The following CDH20 variants were observed in gnomAD, a reference collection of about 807,000 sequenced individuals.
CDH20 encodes the protein cadherin-20.
In CDH20, 29 loss-of-function variants were observed where a neutral mutation model predicts 74.2. The observed-to-expected ratio is 0.39, with a 90% CI of 0.29 to 0.53. The LOEUF is 0.53. Ranked by LOEUF, CDH20 falls within the 20% of genes least tolerant of loss-of-function variation. The pLI, the probability that CDH20 is intolerant of heterozygous loss-of-function variation, is 0.69. For synonymous variants in CDH20, 469 were observed against 405.4 expected, an observed-to-expected ratio of 1.16 and a Z score of -1.88; for missense variants, 988 against 1,048.3, an observed-to-expected ratio of 0.94 and a Z score of 0.79.
At chr18:61,417,708 T>G (rs1468845325) in intron 1 of CDH20, among the ~76,000 whole-genome samples, 1 of 150,898 alleles carries the variant, frequency 6.6e-6, no homozygotes, top group East Asian at 2.0e-4. Flanking sequence ...GTACAAAATA[T>G]AGTTAGATAG....
At chr18:61,437,057 G>A (rs1034363117) in intron 1 of CDH20, among the ~76,000 whole-genome samples, 12 of 152,088 alleles carry the variant, frequency 7.9e-5, no homozygotes, top group Admixed American at 1.3e-4. Context: ...AATGAATAAT[G>A]GTTGAATGAA....
intron 6 of CDH20, among the ~76,000 whole-genome samples, chr18:61,508,686 G>A (rs1469499011): frequency 6.6e-6 from 1 of 152,124 alleles, no homozygotes; most frequent in East Asian, 1.9e-4. Context: ...ACCCAGGCTG[G>A]AGTACAGTGG....
intron 1 of CDH20, among the ~76,000 whole-genome samples, chr18:61,363,773 C>A (rs528530002): frequency 1.3e-5 from 2 of 152,100 alleles, no homozygotes; most frequent in African/African-American, 4.8e-5. Context: ...TTCATCCCAC[C>A]GGATGGTAGT....
chr18:61,526,216 C>A lies in CDH20; in HGVS notation c.1018-1751C>A, dbSNP rs1303330773. ...TGATCTCGGCTCACCGCAACCTCCA[C>A]CTCCCGGGTTCAAGTGATTCTCCTG... On this transcript the variant is annotated intron_variant, in intron 6 of 11. Coordinates refer to ENST00000262717, the MANE Select transcript of CDH20 (RefSeq NM_031891.4). Among the ~76,000 whole-genome samples the A allele has an allele frequency of 7.7e-5, 11 of 142,820 alleles. 1 individual carries two copies. Among genetic ancestry groups the A allele is most frequent in the Admixed American group, 4.3e-4 (6 of 14,006 alleles). 93.7% of individuals were successfully genotyped at this position (142,820 alleles called of 152,430 possible). A position where few individuals can be genotyped will look rare whatever the true frequency, so the allele number is the denominator to read the frequency against.
At chr18:61,513,072 C>T (rs1911844232) in intron 6 of CDH20, among the ~76,000 whole-genome samples, 1 of 151,486 alleles carries the variant, frequency 6.6e-6, no homozygotes, top group South Asian at 2.1e-4. Context: ...GACTTTCTGT[C>T]TCGTTGATCT....
At chr18:61,404,797 C>CTTTTT in intron 1 of CDH20, 1 of 223,522 alleles carries the variant, frequency 4.5e-6, no homozygotes. Flanking sequence ...AAATTGTCAA[C>CTTTTT]TTTTTTTTTT....
intron 6 of CDH20, among the ~76,000 whole-genome samples, chr18:61,515,075 A>T (rs1449199116): frequency 2.6e-5 from 4 of 152,060 alleles, no homozygotes; most frequent in Non-Finnish European, 5.9e-5. Context: ...AAGCCTGGGC[A>T]ATGGCGGGCG....
At chr18:61,483,724 T>A (rs1262245283) in intron 1 of CDH20, among the ~76,000 whole-genome samples, 1 of 152,192 alleles carries the variant, frequency 6.6e-6, no homozygotes, top group Non-Finnish European at 1.5e-5. Flanking sequence ...CACAAGACTT[T>A]AACCATCTCT....
At chr18:61,548,627 G>A (rs1913330947) in intron 10 of CDH20, among the ~76,000 whole-genome samples, 1 of 152,218 alleles carries the variant, frequency 6.6e-6, no homozygotes, top group African/African-American at 2.4e-5. Flanking sequence ...AAATCTCAGT[G>A]GCTTAGCACA....
intron 1 of CDH20, among the ~76,000 whole-genome samples, chr18:61,335,925 CTT>C (rs1205915794): frequency 6.6e-6 from 1 of 152,206 alleles, no homozygotes; most frequent in Non-Finnish European, 1.5e-5. Flanking sequence ...GAAAAATTAT[CTT>C]TCGTTTGGGG....
At chr18:61,337,794 G>T (rs1303202150) in intron 1 of CDH20, among the ~76,000 whole-genome samples, 1 of 152,162 alleles carries the variant, frequency 6.6e-6, no homozygotes, top group East Asian at 1.9e-4. Context: ...ATCTGGGGAG[G>T]GGTAAATGAA....
intron 1 of CDH20, among the ~76,000 whole-genome samples, chr18:61,479,249 A>T (rs1261990978): frequency 6.6e-6 from 1 of 152,134 alleles, no homozygotes; most frequent in African/African-American, 2.4e-5. Flanking sequence ...TGAAAGACTT[A>T]TAATAAAAGG....
At position 61,475,598 on chromosome 18, in the gene CDH20, A is replaced by G. The variant is rs1451841116; in HGVS notation, c.-152-14804A>G. ...TCGCTTTTACTTGTTGCATATTTGG[A>G]AAAATCTCAATGCTTAGTGACCATG... On this transcript the variant is annotated intron_variant, in intron 1 of 11. Coordinates refer to ENST00000262717, the MANE Select transcript of CDH20 (RefSeq NM_031891.4). Among the ~76,000 whole-genome samples the G allele has an allele frequency of 2.6e-5, 4 of 152,048 alleles. No homozygotes were observed. The East Asian group carries it at 6.1e-4, about 23-fold the overall frequency.
At chr18:61,537,513 A>C (rs1484889239) in intron 8 of CDH20, among the ~76,000 whole-genome samples, 1 of 152,214 alleles carries the variant, frequency 6.6e-6, no homozygotes, top group Admixed American at 6.5e-5. Context: ...TTCAAAACAT[A>C]TTCAATGACA....
chr18:61,429,505 C>T (rs951667946), intron 1 of CDH20, among the ~76,000 whole-genome samples: 2 of 152,174 alleles, frequency 1.3e-5, no homozygotes, highest in Non-Finnish European at 2.9e-5. Flanking sequence ...AGCAAGCCAA[C>T]TCAACTTCTC....
At chr18:61,549,141 C>A (rs941101190) in intron 10 of CDH20, among the ~76,000 whole-genome samples, 1 of 152,084 alleles carries the variant, frequency 6.6e-6, no homozygotes, top group African/African-American at 2.4e-5. Flanking sequence ...AGAATTCAAA[C>A]CTACACCAGG....
intron 1 of CDH20, among the ~76,000 whole-genome samples, chr18:61,404,470 A>T (rs979604565): frequency 2.8e-4 from 42 of 152,330 alleles, no homozygotes; most frequent in African/African-American, 8.7e-4. Context: ...CTTCAATATC[A>T]TATTAAAGAC....
At chr18:61,440,772 G>C (rs759498910) in intron 1 of CDH20, among the ~76,000 whole-genome samples, 3 of 152,172 alleles carry the variant, frequency 2.0e-5, no homozygotes, top group Non-Finnish European at 4.4e-5. Context: ...CATGGTGTGA[G>C]TCTGAGATGG....
chr18:61,350,957 CAGGAAG>C (rs1282538008), intron 1 of CDH20, among the ~76,000 whole-genome samples: 1 of 152,136 alleles, frequency 6.6e-6, no homozygotes, highest in Non-Finnish European at 1.5e-5. Flanking sequence ...CCTGTGTGCC[CAGGAAG>C]AGGAAATGTG....
Sources: gnomAD v4.1 joint callset for allele counts (sites outside exome capture counted in the v4.1 genomes callset) on GRCh38, gnomAD v4.1.1 for gene constraint, MANE v1.5 for transcripts, NCBI Gene and HGNC (gene_info 2026-07-23, HGNC 2026-07-21) for gene names.